The following SPIN3 variants were observed in gnomAD, a reference collection of about 807,000 sequenced individuals.
The protein encoded by SPIN3 is spindlin-3.
For missense variants in SPIN3, 176 were observed against 196.4 expected, an observed-to-expected ratio of 0.90 and a Z score of 0.62; for synonymous variants, 74 against 74.3, an observed-to-expected ratio of 1.00 and a Z score of 0.02.
In SPIN3 at chrX:56,993,951, C is replaced by A. The variant is rs1285985188; in HGVS notation, c.*220G>T. ...AATGGATGTCAGACTTTACCCTTCT[C>A]ACTAATCAGTTAAATTGCGGAGAGG... On this transcript the variant is annotated 3_prime_UTR_variant, in exon 2 of 2. Coordinates refer to ENST00000374919, the MANE Select transcript of SPIN3 (RefSeq NM_001010862.3). 5.3e-5 allele frequency: 20 copies of A among 380,185 alleles called. No homozygotes were observed. The highest frequency in any genetic ancestry group is 3.6e-5 in the Non-Finnish European group (8 of 222,757). 31.3% of individuals were successfully genotyped at this position (380,185 alleles called of 1,213,427 possible).
At chrX:56,984,274 T>TG in exon 3 of SPIN3, 1 of 242,780 alleles carries the variant, frequency 4.1e-6, no homozygotes, top group South Asian at 4.8e-5. Flanking sequence ...ACCTTCTAGG[T>TG]GTTTGCTGTT....
Position 56,991,383 on chromosome X carries a change from G to A in SPIN3, c.*2788C>T, listed in dbSNP as rs1345743787. On this transcript the variant is annotated 3_prime_UTR_variant, in exon 2 of 2. Coordinates refer to ENST00000374919, the MANE Select transcript of SPIN3 (RefSeq NM_001010862.3). ...TTTCCCACATCTTGCTGTGTGGAAC[G>A]AACTCAAGATCCAAGAGTGGCCTAA... 1 of 111,681 alleles carries A rather than the reference G, an allele frequency of 9.0e-6. No homozygotes were observed. The highest frequency in any genetic ancestry group is 1.9e-5 in the Non-Finnish European group (1 of 53,172). 9.2% of individuals were successfully genotyped at this position (111,681 alleles called of 1,213,427 possible). A position where few individuals can be genotyped will look rare whatever the true frequency, so the allele number is the denominator to read the frequency against.
At chrX:56,995,056 C>A in intron 1 of SPIN3, 107 bp from the exon 2 acceptor site, 1 of 921,105 alleles carries the variant, frequency 1.1e-6, no homozygotes, top group Non-Finnish European at 1.4e-6. Flanking sequence ...AGTAAACCCA[C>A]ACCTGTTTTT....
chrX:56,988,517 A>G (rs1273049105), downstream of SPIN3, among the ~76,000 whole-genome samples: 1 of 111,562 alleles, frequency 9.0e-6, no homozygotes, highest in African/African-American at 3.3e-5. Context: ...GTCCCTTCCC[A>G]AGAGATTTTG....
At chrX:56,979,220 C>T (rs1235643052) in intron 3 of SPIN3, 2 of 111,047 alleles carry the variant, frequency 1.8e-5, no homozygotes, top group Non-Finnish European at 3.8e-5. Context: ...TGGCTTTTAT[C>T]CAGCTTGGCC....
intron 1 of SPIN3, 109 bp from the exon 2 acceptor site, chrX:56,995,058 C>T: frequency 1.1e-6 from 1 of 892,970 alleles, no homozygotes; most frequent in Non-Finnish European, 1.5e-6. Flanking sequence ...TAAACCCACA[C>T]CTGTTTTTCC....
rs1056590642 is a variant in SPIN3 at position 56,991,003 on chromosome X, A to G, written c.*3168T>C. The G allele has an allele frequency of 9.0e-6, 1 of 111,364 alleles. No homozygotes were observed. Among genetic ancestry groups the G allele is most frequent in the Non-Finnish European group, 1.9e-5 (1 of 53,119 alleles). The allele number at this position is 111,364 out of a possible 1,213,427, so 9.2% of individuals were successfully genotyped here. On this transcript the variant is annotated 3_prime_UTR_variant, in exon 2 of 2. Transcript: ENST00000374919. ...AATATCTCTGGAATGATACATCAGTAACTGGTAACAGTTGTTACTTTTTGA... is the reference window on the plus strand; with the variant it reads ...AATATCTCTGGAATGATACATCAGTGACTGGTAACAGTTGTTACTTTTTGA...
chrX:56,984,109 T>C lies in SPIN3; in HGVS notation c.*204+157A>G, dbSNP rs930603102. On this transcript the variant is annotated intron_variant and NMD_transcript_variant, in intron 3 of 5. Coordinates refer to the SPIN3 transcript ENST00000475785. Reference sequence around the variant, plus strand: ...AGCACGGCCCTCTAATTTCCTTCTTTAATTAGTCAACTGAGCTTTGAGTTA... The same window carrying C: ...AGCACGGCCCTCTAATTTCCTTCTTCAATTAGTCAACTGAGCTTTGAGTTA... Among the ~76,000 whole-genome samples, 3 of 111,576 alleles carry C rather than the reference T, an allele frequency of 2.7e-5. No individual in the cohort carries two copies. The Admixed American group carries it at 2.9e-4, about 11-fold the overall frequency.
At chrX:56,987,041 G>T (rs1443431458), downstream of SPIN3, among the ~76,000 whole-genome samples, 1 of 112,149 alleles carries the variant, frequency 8.9e-6, no homozygotes, top group African/African-American at 3.2e-5. Flanking sequence ...TGAGGCAGGA[G>T]AATTGCTTGA....
chrX:56,983,546 G>T (rs1198891273), intron 3 of SPIN3, among the ~76,000 whole-genome samples: 1 of 112,783 alleles, frequency 8.9e-6, no homozygotes, highest in Non-Finnish European at 1.9e-5. Flanking sequence ...AGCACCATTT[G>T]AATTACTGTG....
At chrX:56,987,134 AAAAC>A (rs769138842), downstream of SPIN3, among the ~76,000 whole-genome samples, 173 of 111,825 alleles carry the variant, frequency 1.5e-3, no homozygotes, top group African/African-American at 4.2e-3. Flanking sequence ...TCTGTCTCAA[AAAAC>A]AAACAAACAA....
chrX:56,978,549 A>G (rs143627972), intron 4 of SPIN3: 2 of 111,768 alleles, frequency 1.8e-5, no homozygotes, highest in East Asian at 5.6e-4. Flanking sequence ...TTACATTCCA[A>G]AACTTTCAGT....
chrX:56,994,066 C>T lies in SPIN3; in HGVS notation c.*105G>A, dbSNP rs1418358474. ...GTTCCAATTTTTTTGCCAAGCAAAA[C>T]GTGCAAAAAGGGAGAAGATGGTTCT... is the stretch of plus-strand genomic sequence containing the variant. On this transcript the variant is annotated 3_prime_UTR_variant, in exon 2 of 2. Transcript: ENST00000374919. 3 of 897,704 alleles carry T rather than the reference C, an allele frequency of 3.3e-6. No individual in the cohort carries two copies. The highest frequency in any genetic ancestry group is 4.0e-5 in the Admixed American group (1 of 25,030). The allele number at this position is 897,704 out of a possible 1,213,427, so 74.0% of individuals were successfully genotyped here.
At chrX:56,988,899 G>T (rs1327337725), downstream of SPIN3, among the ~76,000 whole-genome samples, 1 of 111,534 alleles carries the variant, frequency 9.0e-6, no homozygotes, top group Non-Finnish European at 1.9e-5. Flanking sequence ...GCAAGAAGTG[G>T]CGTAGAATGC....
chrX:56,986,214 A>C (rs887933982), downstream of SPIN3, among the ~76,000 whole-genome samples: 5 of 111,380 alleles, frequency 4.5e-5, no homozygotes, highest in Admixed American at 4.8e-4. Context: ...GCACTGAATA[A>C]ATTTGTTGAA....
Position 56,992,568 on chromosome X carries a change from G to C in SPIN3, c.*1603C>G. 1 of 297,132 alleles carries C rather than the reference G, an allele frequency of 3.4e-6. No homozygotes were observed. The highest frequency in any genetic ancestry group is 5.9e-6 in the Non-Finnish European group (1 of 170,229). The allele number at this position is 297,132 out of a possible 1,213,427, so 24.5% of individuals were successfully genotyped here. ...TCTGTGCCGGTAGTCTGGACTCCAT[G>C]ACCTGTGAACTTAAACTAATTTGGA... On this transcript the variant is annotated 3_prime_UTR_variant, in exon 2 of 2. Transcript: ENST00000374919.
chrX:56,994,115 C>T lies in SPIN3; in HGVS notation c.*56G>A. 1 of 1,072,280 alleles carries T rather than the reference C, an allele frequency of 9.3e-7. No individual in the cohort carries two copies. Among genetic ancestry groups the T allele is most frequent in the Non-Finnish European group, 1.2e-6 (1 of 805,214 alleles). The allele number at this position is 1,072,280 out of a possible 1,213,427, so 88.4% of individuals were successfully genotyped here. On this transcript the variant is annotated 3_prime_UTR_variant, in exon 2 of 2. Coordinates refer to ENST00000374919, the MANE Select transcript of SPIN3 (RefSeq NM_001010862.3). Reference sequence around the variant, plus strand: ...CTTACAAACTGGAAAGCAATCAAGACTTTCTGTGTCTACAGATTTAGAGTC... The same window carrying T: ...CTTACAAACTGGAAAGCAATCAAGATTTTCTGTGTCTACAGATTTAGAGTC...
downstream of SPIN3, among the ~76,000 whole-genome samples, chrX:56,987,005 C>T (rs1462496225): frequency 9.0e-6 from 1 of 111,669 alleles, no homozygotes; most frequent in Non-Finnish European, 1.9e-5. Context: ...GTGTTGCATG[C>T]CTTTAATCCC....
chrX:56,981,611 C>T (rs1433247157), intron 3 of SPIN3: 2 of 111,666 alleles, frequency 1.8e-5, no homozygotes, highest in South Asian at 3.7e-4. Context: ...AAAACTACAG[C>T]TTTAAACTCT....
Sources: allele counts gnomAD v4.1 joint callset (sites outside exome capture counted in the v4.1 genomes callset), GRCh38; gene constraint gnomAD v4.1.1; transcripts MANE v1.5; gene names NCBI Gene and HGNC (gene_info 2026-07-23, HGNC 2026-07-21).